Variants in RUNX2 observed in about 807,000 individuals in gnomAD.
RUNX2 encodes the protein RUNX family transcription factor 2.
Under a neutral mutation model 51.7 loss-of-function variants are expected in RUNX2, and 10 were observed. That is an observed-to-expected ratio of 0.19 (90% CI 0.12 to 0.33). RUNX2 has a LOEUF of 0.33. Ranked by LOEUF, RUNX2 falls within the 10% of genes least tolerant of loss-of-function variation. The pLI is 1.00. For synonymous variants in RUNX2, 276 were observed against 273.6 expected (o/e 1.01, Z -0.09); for missense variants, 562 against 691.3 (o/e 0.81, Z 2.10).
chr6:45,473,329 T>G (rs564538989), intron 5 of RUNX2, among the ~76,000 whole-genome samples: 1 of 152,058 alleles, frequency 6.6e-6, no homozygotes, highest in East Asian at 1.9e-4. Context: ...CTTTGGGAGA[T>G]GTAGTATTTC....
intron 7 of RUNX2, among the ~76,000 whole-genome samples, chr6:45,534,048 T>C (rs10948236): frequency 0.47 from 71,878 of 151,504 alleles, 18,592 homozygotes; most frequent in African/African-American, 0.68. Flanking sequence ...GTGCCCGCCA[T>C]CACGCCTGGC....
intron 4 of RUNX2, among the ~76,000 whole-genome samples, chr6:45,435,048 AG>A (rs151256175): frequency 1.3e-5 from 2 of 152,330 alleles, no homozygotes; most frequent in Non-Finnish European, 2.9e-5. Context: ...CTTTTGCTGT[AG>A]TTGTTAATTA....
At chr6:45,372,970 G>C (rs779137391) in intron 2 of RUNX2, among the ~76,000 whole-genome samples, 1 of 151,988 alleles carries the variant, frequency 6.6e-6, no homozygotes, top group African/African-American at 2.4e-5. Context: ...CAAGACACGC[G>C]GCTAATTTTT....
At position 45,445,314 on chromosome 6, in the gene RUNX2, G is replaced by A. The variant is rs139877353; in HGVS notation, c.685+7263G>A. On this transcript the variant is annotated intron_variant, in intron 5 of 8. Coordinates refer to ENST00000647337, the MANE Select transcript of RUNX2 (RefSeq NM_001024630.4). The stretch of plus-strand genomic sequence containing the variant: ...GTTGGGATTATAGGTGTGAGCCACC[G>A]CGCCCGGCCCAGGAAGATGCTTATT... 8.9e-3 allele frequency among the ~76,000 whole-genome samples: 1,350 copies of A among 152,260 alleles called. 18 individuals carry two copies. Among genetic ancestry groups the A allele is most frequent in the African/African-American group, 0.031 (1,274 of 41,544 alleles).
chr6:45,345,094 C>T lies in RUNX2; in HGVS notation c.58+16310C>T, dbSNP rs374776464. Among the ~76,000 whole-genome samples, 7 of 152,100 alleles carry T rather than the reference C, an allele frequency of 4.6e-5. No homozygotes were observed. In the East Asian group the frequency reaches 7.7e-4, roughly 17 times the overall value. On this transcript the variant is annotated intron_variant, in intron 2 of 8. Coordinates refer to ENST00000647337, the MANE Select transcript of RUNX2 (RefSeq NM_001024630.4). ...AGAGGAGAAACTACCCACTCATCTG[C>T]GCTGCCTCACATGGATGTTTTGAGA...
chr6:45,371,837 C>T, intron 2 of RUNX2: 3 of 984,368 alleles, frequency 3.0e-6, no homozygotes, highest in Non-Finnish European at 3.6e-6. Flanking sequence ...GAGCAGACTT[C>T]AGAACTACAG....
intron 8 of RUNX2, among the ~76,000 whole-genome samples, chr6:45,545,790 T>C (rs550792976): frequency 6.6e-6 from 1 of 152,338 alleles, no homozygotes; most frequent in Admixed American, 6.5e-5. Flanking sequence ...AGGTCACAAC[T>C]ACAAGATTCT....
intron 2 of RUNX2, among the ~76,000 whole-genome samples, chr6:45,345,454 T>C (rs1330334506): frequency 6.6e-6 from 1 of 152,192 alleles, no homozygotes; most frequent in Admixed American, 6.5e-5. Context: ...TAAATAATTA[T>C]GATAGACTCC....
intron 7 of RUNX2, among the ~76,000 whole-genome samples, chr6:45,533,186 T>G (rs1329080631): frequency 2.6e-5 from 4 of 151,264 alleles, no homozygotes; most frequent in Non-Finnish European, 4.4e-5. Flanking sequence ...TCGAACAGAG[T>G]AGAAAGTGAA....
chr6:45,473,970 C>T (rs1361127543), intron 5 of RUNX2, among the ~76,000 whole-genome samples: 11 of 152,172 alleles, frequency 7.2e-5, no homozygotes, highest in East Asian at 5.8e-4. Context: ...GCCGCAGCAC[C>T]GCCACTTCAG....
chr6:45,382,147 A>G (rs957144703), intron 2 of RUNX2, among the ~76,000 whole-genome samples: 3 of 152,198 alleles, frequency 2.0e-5, no homozygotes, highest in African/African-American at 4.8e-5. Flanking sequence ...TCCAATATGT[A>G]AAACTCTTGT....
chr6:45,335,751 A>T (rs1788418809), intron 2 of RUNX2, among the ~76,000 whole-genome samples: 2 of 151,294 alleles, frequency 1.3e-5, no homozygotes, highest in Non-Finnish European at 3.0e-5. Context: ...AATCTATGAG[A>T]AAACTCCCAT....
intron 2 of RUNX2, among the ~76,000 whole-genome samples, chr6:45,332,896 C>T (rs1046308908): frequency 1.3e-5 from 2 of 151,658 alleles, no homozygotes; most frequent in African/African-American, 4.8e-5. Flanking sequence ...CAATACGTTA[C>T]CTTAATGTAC....
At chr6:45,481,842 T>C (rs568158831) in intron 5 of RUNX2, among the ~76,000 whole-genome samples, 5 of 152,360 alleles carry the variant, frequency 3.3e-5, no homozygotes, top group African/African-American at 1.2e-4. Context: ...CTAGTCTCAG[T>C]ATTTTTCTGG....
At chr6:45,358,740 A>G (rs1793701145) in intron 2 of RUNX2, among the ~76,000 whole-genome samples, 1 of 152,162 alleles carries the variant, frequency 6.6e-6, no homozygotes, top group Non-Finnish European at 1.5e-5. Flanking sequence ...TTGAAAGTTA[A>G]TACTGTACAT....
chr6:45,445,346 T>C (rs541791312), intron 5 of RUNX2, among the ~76,000 whole-genome samples: 7 of 152,222 alleles, frequency 4.6e-5, no homozygotes, highest in African/African-American at 1.4e-4. Flanking sequence ...TATTTAGAGA[T>C]TGGTCACATG....
At chr6:45,342,863 T>C (rs1309999746) in intron 2 of RUNX2, among the ~76,000 whole-genome samples, 1 of 152,188 alleles carries the variant, frequency 6.6e-6, no homozygotes, top group African/African-American at 2.4e-5. Flanking sequence ...TACAAGATAT[T>C]TGTAAATCGA....
chr6:45,546,051 G>C (rs1366151277), intron 8 of RUNX2, among the ~76,000 whole-genome samples: 2 of 152,138 alleles, frequency 1.3e-5, no homozygotes, highest in African/African-American at 4.8e-5. Context: ...CCTAGGCAGC[G>C]AGCCTCTCGC....
intron 2 of RUNX2, chr6:45,365,397 G>A: frequency 1.3e-6 from 1 of 783,720 alleles, no homozygotes; most frequent in Non-Finnish European, 2.0e-6. Context: ...TCAAAAAGTA[G>A]AGAAAATTTA....
Sources: allele counts gnomAD v4.1 joint callset (sites outside exome capture counted in the v4.1 genomes callset), GRCh38; gene constraint gnomAD v4.1.1; transcripts MANE v1.5; gene names NCBI Gene and HGNC (gene_info 2026-07-23, HGNC 2026-07-21).